The following CD3E variants were observed in gnomAD, a reference collection of about 807,000 sequenced individuals.
The protein encoded by CD3E is CD3 epsilon subunit of T-cell receptor complex.
Under a neutral mutation model 34.7 loss-of-function variants are expected in CD3E, and 16 were observed. That is an observed-to-expected ratio of 0.46 (90% CI 0.31 to 0.70). The LOEUF is 0.70. CD3E is among the 30% of genes least tolerant of loss of function. The pLI is 0.05. For synonymous variants in CD3E, 70 were observed against 90.8 expected (o/e 0.77, Z 1.30); for missense variants, 223 against 253.9 (o/e 0.88, Z 0.83).
chr11:118,313,918 G>A, intron 7 of CD3E, 44 bp downstream of exon 7: 2 of 1,607,012 alleles, frequency 1.2e-6, no homozygotes, highest in Non-Finnish European at 1.7e-6. Flanking sequence ...TGCCAAGGGG[G>A]ACGACCAGCC....
chr11:118,313,059 G>A, intron 6 of CD3E, 193 bp downstream of exon 6: 13 of 690,752 alleles, frequency 1.9e-5, no homozygotes, highest in South Asian at 1.8e-4. Flanking sequence ...ACACCAATAT[G>A]AGGCTTCTGG....
intron 2 of CD3E, 85 bp from the exon 3 acceptor site, chr11:118,307,203 T>C: frequency 9.8e-7 from 1 of 1,017,278 alleles, no homozygotes; most frequent in South Asian, 1.3e-5. Context: ...TCAGTGGTCA[T>C]ACTGCAACAC....
At chr11:118,309,907 CAGA>C (rs1384056568) in intron 4 of CD3E, among the ~76,000 whole-genome samples, 12 of 152,228 alleles carry the variant, frequency 7.9e-5, no homozygotes, top group Non-Finnish European at 1.3e-4. Flanking sequence ...CGCTTGAGCT[CAGA>C]AGGTTGAGGC....
At chr11:118,315,459 ACC>A (rs1177016768) in intron 8 of CD3E, 25 bp from the exon 9 acceptor site, 2 of 1,606,860 alleles carry the variant, frequency 1.2e-6, no homozygotes, top group East Asian at 4.5e-5. Context: ...CGCACCACTG[ACC>A]GCCCCCTCTC....
chr11:118,305,191 C>T (rs1437816187), intron 2 of CD3E, among the ~76,000 whole-genome samples, 190 bp downstream of exon 2: 1 of 152,196 alleles, frequency 6.6e-6, no homozygotes, highest in Non-Finnish European at 1.5e-5. Flanking sequence ...CCTGGGAGAG[C>T]GTTCGGGGAG....
In CD3E at chr11:118,315,854, G is replaced by T. The variant is rs998374340; in HGVS notation, c.*312G>T. On this transcript the variant is annotated 3_prime_UTR_variant, in exon 9 of 9. Transcript: ENST00000361763. The stretch of plus-strand genomic sequence containing the variant: ...CCTTCCCTTTGGATGTAACTTCTCC[G>T]TTCAGTTCCCTCCTTTTCTTGCATG... The T allele has an allele frequency of 4.0e-6, 2 of 504,864 alleles. No homozygotes were observed. The highest frequency in any genetic ancestry group is 3.4e-5 in the Admixed American group (1 of 29,052). The allele number at this position is 504,864 out of a possible 1,614,324, so 31.3% of individuals were successfully genotyped here.
chr11:118,311,804 A>T (rs1335048479), intron 4 of CD3E, among the ~76,000 whole-genome samples: 1 of 152,142 alleles, frequency 6.6e-6, no homozygotes, highest in East Asian at 1.9e-4. Context: ...TCTGTAATAC[A>T]GTTCTGGCTA....
At chr11:118,312,532 T>C in intron 5 of CD3E, 86 bp from the exon 6 acceptor site, 1 of 1,481,556 alleles carries the variant, frequency 6.7e-7, no homozygotes, top group Admixed American at 1.7e-5. Flanking sequence ...GATGACTTCC[T>C]GCATTTGGGT....
At chr11:118,312,380 G>A (rs556591628) in intron 5 of CD3E, 46 of 712,802 alleles carry the variant, frequency 6.5e-5, no homozygotes, top group East Asian at 2.1e-4. Context: ...ATGTCCCTGC[G>A]TAAACCCTAA....
At chr11:118,305,316 G>GA (rs1173091299) in intron 2 of CD3E, among the ~76,000 whole-genome samples, 1 of 152,220 alleles carries the variant, frequency 6.6e-6, no homozygotes, top group Admixed American at 6.5e-5. Flanking sequence ...ACCCAAAAGA[G>GA]ACTGGAAGAG....
At chr11:118,313,362 A>C in intron 6 of CD3E, 1 of 389,654 alleles carries the variant, frequency 2.6e-6, no homozygotes, top group Non-Finnish European at 4.9e-6. Flanking sequence ...TTTTTCATGT[A>C]ATCCTCTCAA....
At position 118,304,792 on chromosome 11, in the gene CD3E, A is replaced by T. The variant is rs561113030; in HGVS notation, c.-60+16A>T. ...TCAGAAAATGGTGAGTCTCTCTCTT[A>T]TAAAGCCCTCCTTTTTCATCCTAGC... On this transcript the variant is annotated intron_variant, in intron 1 of 8. Transcript: ENST00000361763. 1 of 758,428 alleles carries T rather than the reference A, an allele frequency of 1.3e-6. No homozygotes were observed. The highest frequency in any genetic ancestry group is 2.5e-5 in the East Asian group (1 of 39,650). 47.0% of individuals were successfully genotyped at this position (758,428 alleles called of 1,614,324 possible). A position where few individuals can be genotyped will look rare whatever the true frequency, so the allele number is the denominator to read the frequency against.
intron 4 of CD3E, among the ~76,000 whole-genome samples, chr11:118,309,622 A>C (rs1279113470): frequency 6.6e-6 from 1 of 152,170 alleles, no homozygotes; most frequent in Non-Finnish European, 1.5e-5. Context: ...TTTAGCTATT[A>C]ATACATGGAA....
intron 7 of CD3E, 90 bp from the exon 8 acceptor site, chr11:118,314,358 C>A: frequency 9.4e-7 from 1 of 1,058,874 alleles, no homozygotes; most frequent in Non-Finnish European, 1.5e-6. Flanking sequence ...ATGGGGTTTG[C>A]CATTCTCTAT....
At chr11:118,305,553 C>CA (rs1378833245) in intron 2 of CD3E, among the ~76,000 whole-genome samples, 1 of 151,734 alleles carries the variant, frequency 6.6e-6, no homozygotes, top group Non-Finnish European at 1.5e-5. Flanking sequence ...TAAATAATAC[C>CA]AAAAAAAGTT....
At chr11:118,312,408 T>G in intron 5 of CD3E, 2 of 704,554 alleles carry the variant, frequency 2.8e-6, no homozygotes, top group Non-Finnish European at 4.8e-6. Flanking sequence ...TCTCAAAAGG[T>G]TCTCTAGTTC....
chr11:118,313,852 G>C lies in CD3E; in HGVS notation c.498G>C (p.Ala166=), dbSNP rs78373007. The change falls in exon 7 of 9, where the codon GCG becomes GCC. Residue 166 remains alanine (A), a synonymous_variant. Transcript: ENST00000361763. ...KAKAKPVTRG[A]GAGGRQRGQN... is the part of the protein sequence containing the mutation. The stretch of plus-strand genomic sequence containing the variant: ...AGGCCAAGCCTGTGACACGAGGAGC[G>C]GGTGCTGGCGGCAGGCAAAGGGGTA... The C allele has an allele frequency of 6.2e-7, 1 of 1,613,540 alleles. No individual in the cohort carries two copies. The highest frequency in any genetic ancestry group is 1.7e-5 in the Admixed American group (1 of 60,020).
intron 4 of CD3E, 72 bp from the exon 5 acceptor site, chr11:118,312,081 G>T: frequency 7.3e-7 from 1 of 1,378,312 alleles, no homozygotes; most frequent in African/African-American, 1.4e-5. Context: ...AATTCCACTA[G>T]AAAAGTTTTA....
chr11:118,315,656 C>T lies in CD3E; in HGVS notation c.*114C>T. 1 of 938,208 alleles carries T rather than the reference C, an allele frequency of 1.1e-6. No homozygotes were observed. Among genetic ancestry groups the T allele is most frequent in the Non-Finnish European group, 1.7e-6 (1 of 594,950 alleles). 58.1% of individuals were successfully genotyped at this position (938,208 alleles called of 1,614,324 possible). A position where few individuals can be genotyped will look rare whatever the true frequency, so the allele number is the denominator to read the frequency against. ...ACGAGAGAGAATCGTTCCTCAGCCTCATGGTGAACTCGCGCCCTCCAGCCT... is the reference window on the plus strand; with the variant it reads ...ACGAGAGAGAATCGTTCCTCAGCCTTATGGTGAACTCGCGCCCTCCAGCCT... On this transcript the variant is annotated 3_prime_UTR_variant, in exon 9 of 9. Coordinates refer to ENST00000361763, the MANE Select transcript of CD3E (RefSeq NM_000733.4).
Sources: gnomAD v4.1 joint callset for allele counts (sites outside exome capture counted in the v4.1 genomes callset) on GRCh38, gnomAD v4.1.1 for gene constraint, MANE v1.5 for transcripts, NCBI Gene and HGNC (gene_info 2026-07-23, HGNC 2026-07-21) for gene names.